ITGA9: variants seen among roughly 807,000 people sequenced by gnomAD.
The protein encoded by ITGA9 is integrin alpha-9.
A neutral mutation model predicts 127.8 loss-of-function variants in ITGA9; 56 were observed. The ratio of observed to expected loss-of-function variants is 0.44; its 90% CI spans 0.35 to 0.55. ITGA9 has a LOEUF of 0.55. ITGA9 is among the 20% of genes least tolerant of loss of function. The pLI is 0.00. For synonymous variants in ITGA9, 508 were observed against 514.5 expected, an observed-to-expected ratio of 0.99 and a Z score of 0.17; for missense variants, 1,196 against 1,347.1, an observed-to-expected ratio of 0.89 and a Z score of 1.76.
At position 37,629,310 on chromosome 3, in the gene ITGA9, G is replaced by C; in HGVS notation, c.1813G>C (p.Gly605Arg). The change falls in exon 16 of 28, where the codon GGA becomes CGA. Residue 605 changes from glycine (G) to arginine (R), a missense_variant. Physicochemically the swap from Gly to Arg is moderately radical, Grantham distance 125. Coordinates refer to ENST00000264741, the MANE Select transcript of ITGA9 (RefSeq NM_002207.3). This position sits in a 1 kb window ranked among gnomAD's most constrained non-coding sequence, Gnocchi z 4.5. ...GACACCAGTTCTCCGCTGGAAAAAG[G>C]GACAAAAGATTGCCCAAAAGAATCA... ...PLTPVLRWKK[G>R]QKIAQKNQTV... is the part of the protein sequence containing the mutation. The C allele has an allele frequency of 6.2e-7, 1 of 1,614,076 alleles. No homozygotes were observed. The highest frequency in any genetic ancestry group is 8.5e-7 in the Non-Finnish European group (1 of 1,180,022).
intron 15 of ITGA9, among the ~76,000 whole-genome samples, chr3:37,555,617 C>T (rs1699423342): frequency 6.6e-6 from 1 of 152,184 alleles, no homozygotes. Flanking sequence ...AGGCACTAGT[C>T]ACACAGATCA....
chr3:37,737,685 T>C (rs1447739754), intron 20 of ITGA9, among the ~76,000 whole-genome samples: 4 of 151,994 alleles, frequency 2.6e-5, no homozygotes, highest in Non-Finnish European at 4.4e-5. Flanking sequence ...GGGAGGGGCG[T>C]TCAGGTGGGT....
At chr3:37,485,972 G>A (rs918098065) in intron 4 of ITGA9, among the ~76,000 whole-genome samples, 2 of 152,216 alleles carry the variant, frequency 1.3e-5, no homozygotes, top group African/African-American at 2.4e-5. Context: ...ACGATGTATA[G>A]GGAAAACTAC....
intron 23 of ITGA9, among the ~76,000 whole-genome samples, chr3:37,755,280 T>C (rs977654732): frequency 4.6e-5 from 7 of 152,152 alleles, no homozygotes; most frequent in African/African-American, 1.7e-4. Flanking sequence ...GTGGTTCCCA[T>C]TGTGCTGAAT....
At chr3:37,716,314 T>C (rs1227046270) in intron 18 of ITGA9, among the ~76,000 whole-genome samples, 2 of 151,946 alleles carry the variant, frequency 1.3e-5, no homozygotes, top group African/African-American at 4.8e-5. Flanking sequence ...CATACTCTGC[T>C]GTGAGAGAGA....
At chr3:37,684,048 G>A (rs1223281901) in intron 18 of ITGA9, 33 bp downstream of exon 18, 1 of 1,588,908 alleles carries the variant, frequency 6.3e-7, no homozygotes, top group African/African-American at 1.3e-5. Flanking sequence ...AAGAGCAGTT[G>A]TTCCATCTGG....
intron 17 of ITGA9, among the ~76,000 whole-genome samples, chr3:37,682,917 G>A (rs571945555): frequency 3.9e-5 from 6 of 152,100 alleles, no homozygotes; most frequent in Non-Finnish European, 8.8e-5. Flanking sequence ...ATTGTCACAA[G>A]AGCCTCCTAC....
chr3:37,505,110 C>T (rs1005112798), intron 6 of ITGA9, among the ~76,000 whole-genome samples: 2 of 152,260 alleles, frequency 1.3e-5, no homozygotes, highest in East Asian at 1.9e-4. Flanking sequence ...TACCCACCCA[C>T]CCACTGACAG....
rs1336064884 is a variant in ITGA9, at chr3:37,512,018, CTTTTCTTTTCTTTCTTT to C, written c.898-1744_898-1728del. On this transcript the variant is annotated intron_variant, in intron 8 of 27. Transcript: ENST00000264741. Reference sequence around the variant, plus strand: ...CTTTTCTTTTCTTTTCTTTTCTTTTCTTTTCTTTTCTTTCTTTCTTTCTTTCTTTCTTTCTTTCTTTC... The same window carrying C: ...CTTTTCTTTTCTTTTCTTTTCTTTTCCTTTCTTTCTTTCTTTCTTTCTTTC... Among the ~76,000 whole-genome samples, 31 of 33,106 alleles carry C rather than the reference CTTTTCTTTTCTTTCTTT, an allele frequency of 9.4e-4. 2 individuals are homozygous for C. Among genetic ancestry groups the C allele is most frequent in the African/African-American group, 3.0e-3 (27 of 9,054 alleles). The allele number at this position is 33,106 out of a possible 152,430, so 21.7% of individuals were successfully genotyped here.
intron 27 of ITGA9, among the ~76,000 whole-genome samples, chr3:37,811,690 T>C (rs996620312): frequency 1.3e-5 from 2 of 152,180 alleles, no homozygotes; most frequent in African/African-American, 4.8e-5. Flanking sequence ...AAGGACCCTC[T>C]CTCTCCCATT....
intron 24 of ITGA9, among the ~76,000 whole-genome samples, chr3:37,779,143 C>T (rs556272395): frequency 6.6e-6 from 1 of 152,092 alleles, no homozygotes; most frequent in Non-Finnish European, 1.5e-5. Flanking sequence ...CTTGCTCTGT[C>T]GCCCAGGGTG....
At chr3:37,553,971 G>T (rs1699403957) in intron 15 of ITGA9, among the ~76,000 whole-genome samples, 1 of 152,126 alleles carries the variant, frequency 6.6e-6, no homozygotes, top group Non-Finnish European at 1.5e-5. Flanking sequence ...TCAGTGACTC[G>T]AGGATGTTCT....
intron 4 of ITGA9, among the ~76,000 whole-genome samples, chr3:37,485,212 A>G (rs1698597013): frequency 6.6e-6 from 1 of 152,112 alleles, no homozygotes; most frequent in Admixed American, 6.5e-5. Flanking sequence ...GCATTATTTC[A>G]TTTTACAATT....
intron 4 of ITGA9, among the ~76,000 whole-genome samples, chr3:37,487,636 A>G (rs1470444821): frequency 6.6e-6 from 1 of 152,194 alleles, no homozygotes; most frequent in Non-Finnish European, 1.5e-5. Context: ...TCATTCTCAG[A>G]TAAGTATTCT....
intron 1 of ITGA9, among the ~76,000 whole-genome samples, chr3:37,469,435 G>A (rs186507579): frequency 1.4e-4 from 21 of 152,224 alleles, no homozygotes; most frequent in African/African-American, 4.1e-4. Flanking sequence ...GAGAAATAGC[G>A]TTTCTAAATT....
intron 17 of ITGA9, among the ~76,000 whole-genome samples, chr3:37,654,685 A>G (rs924613308): frequency 6.6e-6 from 1 of 152,148 alleles, no homozygotes; most frequent in African/African-American, 2.4e-5. Context: ...ACCAGTGCCT[A>G]CACTAGGACA....
intron 15 of ITGA9, among the ~76,000 whole-genome samples, chr3:37,557,711 G>A (rs188152885): frequency 5.3e-5 from 8 of 152,216 alleles, no homozygotes; most frequent in African/African-American, 1.9e-4. Flanking sequence ...TATGCTACAT[G>A]TTTTACATGT....
chr3:37,681,423 C>T (rs1187551080), intron 17 of ITGA9, among the ~76,000 whole-genome samples: 2 of 152,126 alleles, frequency 1.3e-5, no homozygotes, highest in African/African-American at 2.4e-5. Flanking sequence ...GTTCTCACAT[C>T]GCTGCCACTT....
intron 15 of ITGA9, among the ~76,000 whole-genome samples, chr3:37,569,174 A>G (rs1348164409): frequency 6.6e-6 from 1 of 152,222 alleles, no homozygotes; most frequent in Non-Finnish European, 1.5e-5. Context: ...AAGCAAAGAC[A>G]TGTCTTACAT....
Sources: allele counts gnomAD v4.1 joint callset (sites outside exome capture counted in the v4.1 genomes callset), GRCh38; gene constraint gnomAD v4.1.1; non-coding constraint Gnocchi (gnomAD v3.1); transcripts MANE v1.5; gene names NCBI Gene and HGNC (gene_info 2026-07-23, HGNC 2026-07-21).